The following ABCA6 variants were observed in gnomAD, a reference collection of about 807,000 sequenced individuals.
The protein encoded by ABCA6 is ATP binding cassette subfamily A member 6.
In ABCA6, 164 loss-of-function variants were observed where a neutral mutation model predicts 191.2. The observed-to-expected ratio is 0.86, with a 90% CI of 0.76 to 0.98. The LOEUF (loss-of-function observed/expected upper bound fraction) is 0.98. ABCA6 is among the 50% of genes least tolerant of loss of function. The probability of loss-of-function intolerance (pLI) is 0.00; values close to 1 mark genes in which losing one functional copy is unlikely to be tolerated. For missense variants in ABCA6, 1,958 were observed against 1,894.1 expected (o/e 1.03, Z -0.63); for synonymous variants, 636 against 647.7 (o/e 0.98, Z 0.27).
Position 69,085,192 on chromosome 17 carries a change from T to TA in ABCA6, c.4030-11dup. On this transcript the variant is annotated splice_polypyrimidine_tract_variant and intron_variant, in intron 31 of 38. Transcript: ENST00000284425. ...AGCCTTTCAGTTCCACCTAAAAAAA[T>TA]AAAAGAGCTTTAGAAAGGCATGCAG... is the stretch of plus-strand genomic sequence containing the variant. 1 of 1,599,516 alleles carries TA rather than the reference T, an allele frequency of 6.3e-7. No homozygotes were observed. Among genetic ancestry groups the TA allele is most frequent in the Non-Finnish European group, 8.5e-7 (1 of 1,173,020 alleles).
At chr17:69,126,463 G>A (rs895998347) in intron 8 of ABCA6, among the ~76,000 whole-genome samples, 6 of 151,878 alleles carry the variant, frequency 4.0e-5, no homozygotes, top group South Asian at 2.1e-4. Context: ...TAGCTTGAGT[G>A]ACATGGTGAG....
chr17:69,081,706 T>A (rs2072640648), intron 36 of ABCA6, among the ~76,000 whole-genome samples: 1 of 152,198 alleles, frequency 6.6e-6, no homozygotes, highest in African/African-American at 2.4e-5. Flanking sequence ...GAAGGCTTTT[T>A]CTAGGCCCTA....
At chr17:69,091,113 A>G (rs201325173) in intron 26 of ABCA6, 30 bp downstream of exon 26, 22 of 1,593,802 alleles carry the variant, frequency 1.4e-5, no homozygotes, top group Non-Finnish European at 1.8e-5. Flanking sequence ...CATATTCAAA[A>G]TTAATGACAC....
At chr17:69,103,156 A>G (rs913493108) in intron 20 of ABCA6, among the ~76,000 whole-genome samples, 188 bp from the exon 21 acceptor site, 2 of 152,208 alleles carry the variant, frequency 1.3e-5, no homozygotes, top group South Asian at 2.1e-4. Flanking sequence ...ATCTTATACC[A>G]CAATGAATTA....
Position 69,110,367 on chromosome 17 carries a change from T to C in ABCA6, c.2272+434A>G, listed in dbSNP as rs986054273. ...TGTACTTGGAAGTATTCTAAGCTCA[T>C]GTTCAGAGTAAGCCAGAAGGATGAG... On this transcript the variant is annotated intron_variant, in intron 17 of 38. Coordinates refer to ENST00000284425, the MANE Select transcript of ABCA6 (RefSeq NM_080284.3). 1.8e-5 allele frequency: 3 copies of C among 164,288 alleles called. No individual in the cohort carries two copies. In the Admixed American group the frequency reaches 1.9e-4, roughly 10 times the overall value. The allele number at this position is 164,288 out of a possible 1,614,324, so 10.2% of individuals were successfully genotyped here. A position where few individuals can be genotyped will look rare whatever the true frequency, so the allele number is the denominator to read the frequency against.
rs2072561628 is a variant in ABCA6 at position 69,079,060 on chromosome 17, A to G, written c.4767T>C (p.Leu1589=). Residue 1589 remains leucine, a synonymous_variant, in exon 39 of 39, where the codon CTT becomes CTC. Coordinates refer to ENST00000284425, the MANE Select transcript of ABCA6 (RefSeq NM_080284.3). Reference sequence around the variant, plus strand: ...AATTTCCTACTTCCTGTTCTTTAGAAAGCTCTAAGAATACCTAATTAGGAG... The same window carrying G: ...AATTTCCTACTTCCTGTTCTTTAGAGAGCTCTAAGAATACCTAATTAGGAG... ...QCTLEKVFLE[L]SKEQEVGNFD... is the part of the protein sequence containing the mutation. 1 of 1,607,130 alleles carries G rather than the reference A, an allele frequency of 6.2e-7. No homozygotes were observed. The highest frequency in any genetic ancestry group is 1.7e-5 in the Admixed American group (1 of 59,574).
intron 10 of ABCA6, among the ~76,000 whole-genome samples, chr17:69,121,381 G>A (rs913204574): frequency 2.0e-5 from 3 of 152,214 alleles, no homozygotes; most frequent in Middle Eastern, 3.4e-3. Context: ...AACATTGACC[G>A]CCTAAGCCTA....
intron 5 of ABCA6, 57 bp from the exon 6 acceptor site, chr17:69,133,924 T>A: frequency 8.5e-7 from 1 of 1,182,296 alleles, no homozygotes; most frequent in Non-Finnish European, 1.2e-6. Context: ...ACTGGTGAAC[T>A]ATGAGTAAGC....
intron 32 of ABCA6, 141 bp downstream of exon 32, chr17:69,084,887 T>A (rs1178816267): frequency 1.0e-6 from 1 of 983,550 alleles, no homozygotes; most frequent in African/African-American, 1.6e-5. Flanking sequence ...TCAGGTCTTG[T>A]CCCTCATCCC....
chr17:69,088,516 C>A (rs2072857122), intron 27 of ABCA6, among the ~76,000 whole-genome samples: 1 of 152,142 alleles, frequency 6.6e-6, no homozygotes, highest in South Asian at 2.1e-4. Flanking sequence ...TTATTTCTCA[C>A]CCCTACTCAT....
chr17:69,084,552 T>C, intron 32 of ABCA6, 45 bp from the exon 33 acceptor site: 5 of 1,591,398 alleles, frequency 3.1e-6, no homozygotes, highest in Non-Finnish European at 4.3e-6. Flanking sequence ...ACAAGGTTTT[T>C]GGAAAATCCA....
chr17:69,129,769 G>C lies in ABCA6; in HGVS notation c.792-18C>G, dbSNP rs752018958. On this transcript the variant is annotated intron_variant, in intron 6 of 38. Transcript: ENST00000284425. ...AGGAGAGCCTAAATAAAGACAAAAA[G>C]TTATATAAATTATGTTAACTTATTT... The C allele has an allele frequency of 8.0e-5, 123 of 1,544,868 alleles. No individual in the cohort carries two copies. The highest frequency in any genetic ancestry group is 1.0e-4 in the Non-Finnish European group (118 of 1,142,920).
intron 36 of ABCA6, 78 bp from the exon 37 acceptor site, chr17:69,081,223 C>A: frequency 1.4e-6 from 1 of 695,600 alleles, no homozygotes; most frequent in Non-Finnish European, 2.5e-6. Context: ...ATTGATATTA[C>A]CAACAATTTT....
chr17:69,101,561 A>C lies in ABCA6; in HGVS notation c.2875-627T>G, dbSNP rs145572922. Among the ~76,000 whole-genome samples, 6 of 150,280 alleles carry C rather than the reference A, an allele frequency of 4.0e-5. No homozygotes were observed. The East Asian group carries it at 1.2e-3, about 30-fold the overall frequency. On this transcript the variant is annotated intron_variant, in intron 21 of 38. Transcript: ENST00000284425. ...TAGTGAGCTGCGATCACACCACTGC[A>C]CTCCAGCCTGGGTGACAGAGCGAGA...
chr17:69,095,021 G>A (rs114790105), intron 25 of ABCA6: 1,790 of 160,942 alleles, frequency 0.011, 18 homozygotes, highest in African/African-American at 0.031. Flanking sequence ...GGTAGACTTC[G>A]TTCAGAGCTA....
intron 27 of ABCA6, among the ~76,000 whole-genome samples, chr17:69,088,985 C>T (rs931812404): frequency 2.0e-5 from 3 of 152,154 alleles, no homozygotes; most frequent in African/African-American, 7.2e-5. Flanking sequence ...TTATCCATGT[C>T]CTTCCACCAG....
At position 69,091,150 on chromosome 17, in the gene ABCA6, A is replaced by C; in HGVS notation, c.3521T>G (p.Leu1174Trp). The C allele has an allele frequency of 6.8e-6, 11 of 1,607,044 alleles. No homozygotes were observed. Among genetic ancestry groups the C allele is most frequent in the Non-Finnish European group, 8.5e-6 (10 of 1,177,780 alleles). Residue 1174 changes from leucine (L) to tryptophan (W), a missense_variant, in exon 26 of 39, where the codon TTG becomes TGG. Transcript: ENST00000284425. The part of the protein sequence containing the change: ...SYTLLGFKTF[L>W]EVRDQEHYRE... ...GTTGGTAACATTTCTTACCACTTCC[A>C]AAAAAGTTTTAAATCCAAGCAAGGT...
intron 24 of ABCA6, 33 bp from the exon 25 acceptor site, chr17:69,096,386 A>G: frequency 8.3e-7 from 1 of 1,201,064 alleles, no homozygotes; most frequent in Non-Finnish European, 1.1e-6. Context: ...CATAGTCAAA[A>G]AATCAAATAT....
intron 5 of ABCA6, 47 bp downstream of exon 5, chr17:69,134,591 TG>T: frequency 7.3e-7 from 1 of 1,378,722 alleles, no homozygotes; most frequent in Non-Finnish European, 1.0e-6. Flanking sequence ...TTGAGGTCTC[TG>T]GAAGTAGCTG....
Sources: gnomAD v4.1 joint callset for allele counts (sites outside exome capture counted in the v4.1 genomes callset) on GRCh38, gnomAD v4.1.1 for gene constraint, MANE v1.5 for transcripts, NCBI Gene and HGNC (gene_info 2026-07-23, HGNC 2026-07-21) for gene names.